RNF19A: variants seen among roughly 807,000 people sequenced by gnomAD.
RNF19A encodes the protein ring finger protein 19A, RBR E3 ubiquitin protein ligase, also known as E3 ubiquitin-protein ligase RNF19A.
A neutral mutation model predicts 75.7 loss-of-function variants in RNF19A; 32 were observed. The observed-to-expected ratio is 0.42, with a 90% CI of 0.32 to 0.57. The LOEUF (loss-of-function observed/expected upper bound fraction) is 0.57, where lower values mean the gene tolerates loss of function less well. Ranked by LOEUF, RNF19A falls within the 20% of genes least tolerant of loss-of-function variation. The pLI is 0.10. For missense variants in RNF19A, 782 were observed against 1,036.3 expected, an observed-to-expected ratio of 0.75 and a Z score of 3.37; for synonymous variants, 335 against 345.2, an observed-to-expected ratio of 0.97 and a Z score of 0.33.
intron 3 of RNF19A, among the ~76,000 whole-genome samples, chr8:100,273,784 C>G (rs1586618611): frequency 6.6e-6 from 1 of 151,918 alleles, no homozygotes; most frequent in East Asian, 1.9e-4. Flanking sequence ...TTATTATTAT[C>G]ATCATTATTA....
rs1822627113 is a variant in RNF19A, at chr8:100,332,710, C to T, written c.-243+3398G>A. ...CTTTGCAAATTTGTTAAAATGTTAT[C>T]TCATTTTCATTTTAACTTGCACACT... On this transcript the variant is annotated intron_variant, in intron 1 of 3. Coordinates refer to the RNF19A transcript ENST00000519527. This position sits in a 1 kb window ranked among gnomAD's most constrained non-coding sequence, Gnocchi z 4.8. 6.6e-6 allele frequency among the ~76,000 whole-genome samples: 1 copy of T among 152,162 alleles called. No homozygotes were observed. The highest frequency in any genetic ancestry group is 2.4e-5 in the African/African-American group (1 of 41,442).
chr8:100,315,878 G>A (rs1476890341), intron 1 of RNF19A, among the ~76,000 whole-genome samples: 1 of 152,148 alleles, frequency 6.6e-6, no homozygotes, highest in East Asian at 1.9e-4. Context: ...ATGGGGTTGG[G>A]GTGCTAGAAT....
At position 100,331,266 on chromosome 8, in the gene RNF19A, C is replaced by T. The variant is rs186734280; in HGVS notation, c.-243+4842G>A. Among the ~76,000 whole-genome samples the T allele has an allele frequency of 1.5e-4, 23 of 152,308 alleles. No homozygotes were observed. In the East Asian group the frequency reaches 4.2e-3, roughly 28 times the overall value. On this transcript the variant is annotated intron_variant, in intron 1 of 3. Coordinates refer to the RNF19A transcript ENST00000519527. The surrounding 1 kb of genome is among the most constrained non-coding windows in gnomAD (Gnocchi z 5.2). ...GCCGTCCTTTTGAACCTTGATTTCA[C>T]ATAATGTAGAAAAGCCATCGTCCTC... is the stretch of plus-strand genomic sequence containing the variant.
At chr8:100,311,562 C>CA (rs1462545846), upstream of RNF19A, among the ~76,000 whole-genome samples, 3 of 151,670 alleles carry the variant, frequency 2.0e-5, no homozygotes, top group African/African-American at 7.3e-5. Context: ...ACTAAAAATA[C>CA]AAAAAATTAG....
At chr8:100,268,689 A>C in intron 5 of RNF19A, 96 bp downstream of exon 5, 2 of 682,250 alleles carry the variant, frequency 2.9e-6, no homozygotes, top group Non-Finnish European at 4.3e-6. Flanking sequence ...TGTCTAAAAA[A>C]AAAAAAAAAA....
chr8:100,287,800 T>C lies in RNF19A; in HGVS notation c.375A>G (p.Gln125=), dbSNP rs75176684. The C allele has an allele frequency of 1.2e-6, 2 of 1,614,158 alleles. No homozygotes were observed. Among genetic ancestry groups the C allele is most frequent in the East Asian group, 4.5e-5 (2 of 44,884 alleles). The change falls in exon 2 of 10, where the codon CAA becomes CAG. Residue 125 remains glutamine, a synonymous_variant. Coordinates refer to ENST00000341084, the MANE Select transcript of RNF19A (RefSeq NM_183419.4). The surrounding 1 kb of genome is among the most constrained non-coding windows in gnomAD (Gnocchi z 4.1). ...AAGGGCACTCTATGAAGTCTCCAAT[T>C]TGTTTGCTGATGGAAGTTAATCCAT... is the stretch of plus-strand genomic sequence containing the variant. ...SDNGLTSISK[Q]IGDFIECPLC...
chr8:100,316,016 A>G (rs1822368727), intron 1 of RNF19A, among the ~76,000 whole-genome samples: 1 of 152,138 alleles, frequency 6.6e-6, no homozygotes, highest in African/African-American at 2.4e-5. Flanking sequence ...CCTTGCGGTG[A>G]GTGTTACAGC....
At chr8:100,294,072 A>G (rs1821432192) in intron 1 of RNF19A, among the ~76,000 whole-genome samples, 1 of 152,218 alleles carries the variant, frequency 6.6e-6, no homozygotes, top group Non-Finnish European at 1.5e-5. Flanking sequence ...TGCTAATTGC[A>G]GAGTCTGCTA....
intron 3 of RNF19A, among the ~76,000 whole-genome samples, chr8:100,273,025 C>G (rs1324972633): frequency 6.6e-6 from 1 of 152,026 alleles, no homozygotes; most frequent in Non-Finnish European, 1.5e-5. Context: ...ATCACCACGC[C>G]CGGCTAATTT....
intron 5 of RNF19A, 134 bp downstream of exon 5, chr8:100,268,651 T>C (rs1423138351): frequency 2.0e-6 from 1 of 487,928 alleles, no homozygotes; most frequent in Non-Finnish European, 3.4e-6. Context: ...AGTAACTGTT[T>C]TATACTGAAG....
At position 100,269,965 on chromosome 8, in the gene RNF19A, A is replaced by G; in HGVS notation, c.932T>C (p.Met311Thr). The change falls in exon 4 of 10, where the codon ATG becomes ACG. Residue 311 changes from methionine (M) to threonine (T), a missense_variant. By Grantham distance (81) the Met-to-Thr change is moderately conservative. Around this residue, in one of 7 missense-constraint regions of RNF19A, gnomAD observed 31 missense variants for 48.8 expected, o/e 0.64. Coordinates refer to ENST00000341084, the MANE Select transcript of RNF19A (RefSeq NM_183419.4). The surrounding 1 kb of genome is among the most constrained non-coding windows in gnomAD (Gnocchi z 5.7). ...CATGTGATTGCAGCTCCCATCATTC[A>G]TCTTTATTATATAAGCAGCACATCG... is the stretch of plus-strand genomic sequence containing the variant. Reference protein sequence around the residue: ...CPRCAAYIIKMNDGSCNHMTC... With the variant: ...CPRCAAYIIKTNDGSCNHMTC... The G allele has an allele frequency of 6.2e-7, 1 of 1,609,748 alleles. No individual in the cohort carries two copies. The highest frequency in any genetic ancestry group is 1.1e-5 in the South Asian group (1 of 90,240).
At chr8:100,318,873 A>C (rs1412276914) in intron 1 of RNF19A, among the ~76,000 whole-genome samples, 1 of 152,210 alleles carries the variant, frequency 6.6e-6, no homozygotes, top group Non-Finnish European at 1.5e-5. Flanking sequence ...GGTTGGGGGA[A>C]TCAGATTTGG....
intron 1 of RNF19A, among the ~76,000 whole-genome samples, chr8:100,297,905 T>C (rs547417131): frequency 6.6e-6 from 1 of 152,272 alleles, no homozygotes; most frequent in African/African-American, 2.4e-5. Flanking sequence ...ATAGAGTATA[T>C]TTTGTTGAGT....
At chr8:100,296,976 T>C (rs892642133) in intron 1 of RNF19A, among the ~76,000 whole-genome samples, 3 of 152,184 alleles carry the variant, frequency 2.0e-5, no homozygotes, top group Non-Finnish European at 4.4e-5. Flanking sequence ...ATCACATGTA[T>C]TGAAAACAAA....
intron 5 of RNF19A, among the ~76,000 whole-genome samples, chr8:100,267,324 A>C (rs1463420453): frequency 6.6e-6 from 1 of 152,210 alleles, no homozygotes; most frequent in Non-Finnish European, 1.5e-5. Flanking sequence ...GGGTTAAAAT[A>C]AGTAAAAGTA....
intron 5 of RNF19A, among the ~76,000 whole-genome samples, chr8:100,268,264 T>C (rs777884228): frequency 4.6e-5 from 7 of 152,020 alleles, no homozygotes; most frequent in Non-Finnish European, 1.0e-4. Context: ...ATTCATCAAT[T>C]AGAGGCCAGT....
chr8:100,283,264 T>C (rs900283605), intron 2 of RNF19A, among the ~76,000 whole-genome samples: 25 of 78,820 alleles, frequency 3.2e-4, no homozygotes, highest in Non-Finnish European at 7.5e-5. Context: ...CAACAACTTT[T>C]TGCTCATCTG....
At position 100,331,935 on chromosome 8, in the gene RNF19A, C is replaced by T. The variant is rs1822618301; in HGVS notation, c.-243+4173G>A. Among the ~76,000 whole-genome samples the T allele has an allele frequency of 6.6e-6, 1 of 152,198 alleles. No homozygotes were observed. Among genetic ancestry groups the T allele is most frequent in the Admixed American group, 6.5e-5 (1 of 15,284 alleles). On this transcript the variant is annotated intron_variant, in intron 1 of 3. Transcript: ENST00000519527. This position sits in a 1 kb window ranked among gnomAD's most constrained non-coding sequence, Gnocchi z 5.2. Reference sequence around the variant, plus strand: ...CTATTAATATATCAGTACCTACAAACTCACACAGTTCTTTTTAATGGCTGC... The same window carrying T: ...CTATTAATATATCAGTACCTACAAATTCACACAGTTCTTTTTAATGGCTGC...
intron 5 of RNF19A, among the ~76,000 whole-genome samples, chr8:100,267,074 T>C (rs1393319113): frequency 6.6e-6 from 1 of 152,136 alleles, no homozygotes; most frequent in Non-Finnish European, 1.5e-5. Flanking sequence ...ACGTAACAAT[T>C]TTGTAACAAT....
Sources: gnomAD v4.1 joint callset for allele counts (sites outside exome capture counted in the v4.1 genomes callset) on GRCh38, gnomAD v4.1.1 for gene constraint, gnomAD v4.1.1 regional missense constraint, Gnocchi (gnomAD v3.1) non-coding constraint, MANE v1.5 for transcripts, NCBI Gene and HGNC (gene_info 2026-07-23, HGNC 2026-07-21) for gene names.